PRDM2: variants seen among roughly 807,000 people sequenced by gnomAD.
The protein encoded by PRDM2 is PR domain zinc finger protein 2.
PRDM2 carries 30 observed loss-of-function variants against 130.0 expected under a neutral mutation model. That is an observed-to-expected ratio of 0.23 (90% CI 0.17 to 0.31). The LOEUF is 0.31. Among genes scored for constraint, PRDM2 ranks in the 10% least tolerant of loss-of-function variants. The pLI, the probability that PRDM2 is intolerant of heterozygous loss-of-function variation, is 1.00. For missense variants in PRDM2, 2,011 were observed against 2,108.4 expected (o/e 0.95, Z 0.90); for synonymous variants, 871 against 782.4 (o/e 1.11, Z -1.89).
At chr1:13,701,055 G>A (rs758994211) in intron 1 of PRDM2, among the ~76,000 whole-genome samples, 1 of 152,166 alleles carries the variant, frequency 6.6e-6, no homozygotes, top group Non-Finnish European at 1.5e-5. Flanking sequence ...CGACCCTCCG[G>A]GCTTGTAGCT....
At chr1:13,813,440 C>T (rs1037979278) in intron 8 of PRDM2, among the ~76,000 whole-genome samples, 41 of 152,188 alleles carry the variant, frequency 2.7e-4, no homozygotes, top group Non-Finnish European at 5.0e-4. Context: ...CTGTCCCCGT[C>T]CTAACAGGAA....
rs139139490 is a variant in PRDM2 at position 13,728,873 on chromosome 1, A to T, written c.10-2127A>T. Among the ~76,000 whole-genome samples the T allele has an allele frequency of 1.2e-4, 18 of 152,286 alleles. No individual in the cohort carries two copies. In the East Asian group the frequency reaches 3.5e-3, roughly 29 times the overall value. On this transcript the variant is annotated intron_variant, in intron 2 of 9. Coordinates refer to ENST00000311066, the MANE Select transcript of PRDM2 (RefSeq NM_001393986.1). ...GATCTCTAACTTGTACTCAAGTTAC[A>T]CATTTCTTGTGGGAGTGACCATTCC...
At chr1:13,820,784 G>T (rs769831274) in intron 9 of PRDM2, among the ~76,000 whole-genome samples, 4 of 152,086 alleles carry the variant, frequency 2.6e-5, no homozygotes, top group Non-Finnish European at 2.9e-5. Flanking sequence ...CTGCCCTCTC[G>T]GTGGGGGACT....
chr1:13,740,812 G>A (rs1643414709), intron 4 of PRDM2, among the ~76,000 whole-genome samples: 2 of 152,138 alleles, frequency 1.3e-5, no homozygotes. Flanking sequence ...GGTGGATGCT[G>A]CCCCTTGGCA....
intron 8 of PRDM2, chr1:13,786,575 A>G (rs771273666): frequency 6.2e-6 from 10 of 1,604,218 alleles, no homozygotes; most frequent in Admixed American, 3.3e-5. Flanking sequence ...AAAGTATTGC[A>G]TGCTCAACTT....
At chr1:13,769,942 C>T (rs143707413) in intron 6 of PRDM2, among the ~76,000 whole-genome samples, 1 of 152,132 alleles carries the variant, frequency 6.6e-6, no homozygotes, top group African/African-American at 2.4e-5. Flanking sequence ...GGGGGGGTGC[C>T]ACTAGCATCT....
At chr1:13,701,785 T>C (rs1642081089) in intron 1 of PRDM2, among the ~76,000 whole-genome samples, 1 of 152,216 alleles carries the variant, frequency 6.6e-6, no homozygotes. Context: ...TCTGTTTTGG[T>C]TTGATTGAAA....
intron 4 of PRDM2, among the ~76,000 whole-genome samples, chr1:13,740,275 A>T (rs1249828213): frequency 3.3e-5 from 5 of 152,220 alleles, no homozygotes; most frequent in Non-Finnish European, 7.3e-5. Flanking sequence ...TTTCTTGGCA[A>T]CTATCTCTGT....
intron 9 of PRDM2, among the ~76,000 whole-genome samples, chr1:13,817,234 G>T (rs1393938213): frequency 6.6e-6 from 1 of 152,162 alleles, no homozygotes; most frequent in Non-Finnish European, 1.5e-5. Flanking sequence ...CAAGTATGTA[G>T]TGCAAATATT....
chr1:13,809,102 C>G (rs541958022), intron 8 of PRDM2, among the ~76,000 whole-genome samples: 9 of 152,324 alleles, frequency 5.9e-5, no homozygotes, highest in African/African-American at 1.7e-4. Context: ...CCCAGATTAG[C>G]TGGAGTAAAC....
chr1:13,784,996 T>C (rs1198510795), intron 8 of PRDM2, among the ~76,000 whole-genome samples: 2 of 152,230 alleles, frequency 1.3e-5, no homozygotes, highest in Admixed American at 6.5e-5. Context: ...AGTGGGCATT[T>C]CTTTAAAGTG....
intron 5 of PRDM2, among the ~76,000 whole-genome samples, chr1:13,748,249 CTATG>C (rs1304484562): frequency 1.3e-5 from 2 of 152,098 alleles, no homozygotes; most frequent in Non-Finnish European, 2.9e-5. Flanking sequence ...TATTCTGAGG[CTATG>C]TGTTTTGTTA....
chr1:13,700,862 A>ATG (rs891928172), intron 1 of PRDM2, among the ~76,000 whole-genome samples: 9 of 151,912 alleles, frequency 5.9e-5, no homozygotes, highest in African/African-American at 1.7e-4. Context: ...CCACGGGTGT[A>ATG]TGTGTGTGTG....
chr1:13,721,429 TA>T (rs1450889969), intron 2 of PRDM2, among the ~76,000 whole-genome samples: 1 of 151,892 alleles, frequency 6.6e-6, no homozygotes, highest in East Asian at 1.9e-4. Context: ...TAGATAATTA[TA>T]AATATGAATC....
In PRDM2 at chr1:13,823,201, A is replaced by T. The variant is rs370346284; in HGVS notation, c.*66A>T. Reference sequence around the variant, plus strand: ...AATCAGTGAAGCCAAAGGGACTGGCAGTCTGCCCTGCAGGGAGTACCGACC... The same window carrying T: ...AATCAGTGAAGCCAAAGGGACTGGCTGTCTGCCCTGCAGGGAGTACCGACC... On this transcript the variant is annotated 3_prime_UTR_variant, in exon 10 of 10. Coordinates refer to ENST00000311066, the MANE Select transcript of PRDM2 (RefSeq NM_001393986.1). 1.2e-4 allele frequency: 200 copies of T among 1,613,154 alleles called. No individual in the cohort carries two copies. Among genetic ancestry groups the T allele is most frequent in the Non-Finnish European group, 1.6e-4 (188 of 1,179,316 alleles).
intron 2 of PRDM2, among the ~76,000 whole-genome samples, chr1:13,721,960 T>G (rs1470849321): frequency 6.6e-6 from 1 of 152,214 alleles, no homozygotes; most frequent in East Asian, 1.9e-4. Context: ...CAATAGTAAA[T>G]GAGTTTATAG....
At chr1:13,774,149 A>G (rs1160598670) in intron 7 of PRDM2, among the ~76,000 whole-genome samples, 2 of 152,242 alleles carry the variant, frequency 1.3e-5, no homozygotes, top group Non-Finnish European at 2.9e-5. Flanking sequence ...TAAGAATCCA[A>G]CCAAGAGGCA....
chr1:13,784,892 G>A (rs1485734025), intron 8 of PRDM2, among the ~76,000 whole-genome samples: 3 of 152,204 alleles, frequency 2.0e-5, no homozygotes, highest in Admixed American at 1.3e-4. Flanking sequence ...TGATCCAGGG[G>A]TCCACTTACC....
At chr1:13,754,359 C>T (rs1028022451) in intron 6 of PRDM2, among the ~76,000 whole-genome samples, 5 of 152,106 alleles carry the variant, frequency 3.3e-5, no homozygotes, top group African/African-American at 1.2e-4. Flanking sequence ...ATGACAGCCA[C>T]GCACAGGTCA....
Sources: gnomAD v4.1 joint callset for allele counts (sites outside exome capture counted in the v4.1 genomes callset) on GRCh38, gnomAD v4.1.1 for gene constraint, MANE v1.5 for transcripts, NCBI Gene and HGNC (gene_info 2026-07-23, HGNC 2026-07-21) for gene names.